Variants in CNTNAP2 observed in about 807,000 individuals in gnomAD.
CNTNAP2 encodes contactin-associated protein-like 2.
A neutral mutation model predicts 155.2 loss-of-function variants in CNTNAP2; 98 were observed. The observed-to-expected ratio is 0.63, with a 90% CI of 0.54 to 0.75. The LOEUF (loss-of-function observed/expected upper bound fraction) is 0.75. Among genes scored for constraint, CNTNAP2 ranks in the 30% least tolerant of loss-of-function variants. The pLI is 0.00. For missense variants in CNTNAP2, 1,727 were observed against 1,688.1 expected (o/e 1.02, Z -0.40); for synonymous variants, 651 against 631.2 (o/e 1.03, Z -0.47).
At chr7:147,393,713 A>G (rs1796762070) in intron 9 of CNTNAP2, among the ~76,000 whole-genome samples, 1 of 152,022 alleles carries the variant, frequency 6.6e-6, no homozygotes, top group South Asian at 2.1e-4. Flanking sequence ...AATGTGGTTG[A>G]CTAGAAAATA....
chr7:147,640,630 C>T (rs1034872575), intron 13 of CNTNAP2, among the ~76,000 whole-genome samples: 15 of 152,050 alleles, frequency 9.9e-5, no homozygotes, highest in African/African-American at 2.9e-4. Flanking sequence ...GATAAGGCTC[C>T]GATGACTGAA....
rs531671954 is a variant in CNTNAP2 at position 146,344,044 on chromosome 7, G to A, written c.97+227071G>A. On this transcript the variant is annotated intron_variant, in intron 1 of 23. Transcript: ENST00000361727. Reference sequence around the variant, plus strand: ...AAATTATAAATGACTAAAGATAAAAGAGGAAAGGAAATAGAGAAGAAGCTA... The same window carrying A: ...AAATTATAAATGACTAAAGATAAAAAAGGAAAGGAAATAGAGAAGAAGCTA... Among the ~76,000 whole-genome samples the A allele has an allele frequency of 1.1e-3, 175 of 152,174 alleles. 1 individual carries two copies. Among genetic ancestry groups the A allele is most frequent in the Non-Finnish European group, 1.8e-3 (125 of 67,986 alleles).
chr7:147,766,570 A>G (rs1797387139), intron 13 of CNTNAP2, among the ~76,000 whole-genome samples: 1 of 152,004 alleles, frequency 6.6e-6, no homozygotes, highest in Admixed American at 6.6e-5. Flanking sequence ...TCATTTATTG[A>G]CATCATTGGA....
chr7:146,788,363 A>G (rs532533030), intron 2 of CNTNAP2, among the ~76,000 whole-genome samples: 1 of 152,346 alleles, frequency 6.6e-6, no homozygotes, highest in South Asian at 2.1e-4. Flanking sequence ...GTCATTTCTC[A>G]GTACTAGAGT....
rs186332615 is a variant in CNTNAP2 at position 147,907,118 on chromosome 7, A to G, written c.2255+3397A>G. ...GTCACCCAGGCTGGAGTGCAGTGGCATGATCTCAGCTCACTGCAAGCTCTG... is the reference window on the plus strand; with the variant it reads ...GTCACCCAGGCTGGAGTGCAGTGGCGTGATCTCAGCTCACTGCAAGCTCTG... On this transcript the variant is annotated intron_variant, in intron 14 of 23. Transcript: ENST00000361727. Among the ~76,000 whole-genome samples, 5 of 152,026 alleles carry G rather than the reference A, an allele frequency of 3.3e-5. No individual in the cohort carries two copies. The East Asian group carries it at 5.8e-4, about 18-fold the overall frequency.
At chr7:147,302,643 TA>T (rs1794965291) in intron 9 of CNTNAP2, among the ~76,000 whole-genome samples, 1 of 152,216 alleles carries the variant, frequency 6.6e-6, no homozygotes, top group Admixed American at 6.5e-5. Context: ...ATTGAATACT[TA>T]AAAACTTCAA....
chr7:147,491,073 G>A (rs6957443), intron 11 of CNTNAP2, among the ~76,000 whole-genome samples: 26,137 of 152,082 alleles, frequency 0.17, 2,932 homozygotes, highest in Non-Finnish European at 0.25. Flanking sequence ...TGAGATTTGG[G>A]TGGGGACACA....
intron 1 of CNTNAP2, among the ~76,000 whole-genome samples, chr7:146,254,068 A>G (rs771666043): frequency 2.6e-5 from 4 of 151,918 alleles, no homozygotes; most frequent in Non-Finnish European, 4.4e-5. Context: ...ACTCATAACA[A>G]AACAGAACAA....
chr7:146,457,048 A>G (rs192195736), intron 1 of CNTNAP2, among the ~76,000 whole-genome samples: 1 of 152,240 alleles, frequency 6.6e-6, no homozygotes, highest in East Asian at 1.9e-4. Flanking sequence ...TCTTTATTCT[A>G]CTGGCCTCAT....
chr7:148,316,019 C>T (rs1261671824), intron 21 of CNTNAP2, among the ~76,000 whole-genome samples: 1 of 152,068 alleles, frequency 6.6e-6, no homozygotes, highest in East Asian at 1.9e-4. Flanking sequence ...CTCTCCTGAG[C>T]ATCCTTCTTA....
intron 1 of CNTNAP2, among the ~76,000 whole-genome samples, chr7:146,409,341 A>G (rs767527400): frequency 1.1e-4 from 16 of 152,198 alleles, no homozygotes; most frequent in Non-Finnish European, 1.9e-4. Flanking sequence ...AAACTAGCCA[A>G]TCGCTTAAAA....
intron 1 of CNTNAP2, among the ~76,000 whole-genome samples, chr7:146,408,251 T>C (rs1457809475): frequency 6.6e-6 from 1 of 152,198 alleles, no homozygotes. Context: ...TTGCACTTTA[T>C]AGAGACTATT....
intron 18 of CNTNAP2, among the ~76,000 whole-genome samples, chr7:148,182,643 C>T (rs1218217301): frequency 6.6e-6 from 1 of 152,198 alleles, no homozygotes; most frequent in Non-Finnish European, 1.5e-5. Flanking sequence ...ATTTTTACCT[C>T]TATTAATTCC....
At chr7:147,969,948 T>C (rs1585054161) in intron 14 of CNTNAP2, among the ~76,000 whole-genome samples, 1 of 152,064 alleles carries the variant, frequency 6.6e-6, no homozygotes, top group East Asian at 1.9e-4. Flanking sequence ...TTTTATTTTA[T>C]TTTTGAGACA....
intron 1 of CNTNAP2, among the ~76,000 whole-genome samples, chr7:146,150,599 C>T (rs572908890): frequency 6.6e-6 from 1 of 151,724 alleles, no homozygotes; most frequent in African/African-American, 2.4e-5. Context: ...ACTATATCAC[C>T]TACATAGGGG....
chr7:146,198,081 C>T (rs1228438130), intron 1 of CNTNAP2, among the ~76,000 whole-genome samples: 2 of 152,072 alleles, frequency 1.3e-5, no homozygotes, highest in Non-Finnish European at 2.9e-5. Flanking sequence ...AAATCACCCC[C>T]ATGATCCAAT....
At chr7:147,510,959 G>A (rs1210477151) in intron 11 of CNTNAP2, among the ~76,000 whole-genome samples, 1 of 147,842 alleles carries the variant, frequency 6.8e-6, no homozygotes. Flanking sequence ...TGTCTATATG[G>A]TTTTTTGCTT....
intron 21 of CNTNAP2, among the ~76,000 whole-genome samples, chr7:148,271,613 C>A (rs2116847000): frequency 6.6e-6 from 1 of 152,282 alleles, no homozygotes; most frequent in East Asian, 1.9e-4. Flanking sequence ...GTTCTTGCTA[C>A]TCTGAAGCTA....
rs556140543 is a variant in CNTNAP2, at chr7:147,003,633, T to A, written c.403-40274T>A. Among the ~76,000 whole-genome samples, 4 of 152,012 alleles carry A rather than the reference T, an allele frequency of 2.6e-5. No homozygotes were observed. The East Asian group carries it at 7.7e-4, about 29-fold the overall frequency. On this transcript the variant is annotated intron_variant, in intron 3 of 23. Coordinates refer to ENST00000361727, the MANE Select transcript of CNTNAP2 (RefSeq NM_014141.6). Reference sequence around the variant, plus strand: ...CATGCATATTATTTAGAGATATATATAAGATATATATACAAGAATGCCACA... The same window carrying A: ...CATGCATATTATTTAGAGATATATAAAAGATATATATACAAGAATGCCACA...
Sources: allele counts gnomAD v4.1 joint callset (sites outside exome capture counted in the v4.1 genomes callset), GRCh38; gene constraint gnomAD v4.1.1; transcripts MANE v1.5; gene names NCBI Gene and HGNC (gene_info 2026-07-23, HGNC 2026-07-21).